The following MPP7 variants were observed in gnomAD, a reference collection of about 807,000 sequenced individuals.
MPP7 encodes the protein MAGUK p55 scaffold protein 7, also known as MAGUK p55 subfamily member 7.
In MPP7, 60 loss-of-function variants were observed where a neutral mutation model predicts 76.5. The observed-to-expected ratio is 0.78, with a 90% CI of 0.64 to 0.97. The LOEUF is 0.97. MPP7 is among the 50% of genes least tolerant of loss of function. The pLI, the probability that MPP7 is intolerant of heterozygous loss-of-function variation, is 0.00. For missense variants in MPP7, 641 were observed against 694.0 expected (o/e 0.92, Z 0.86); for synonymous variants, 237 against 244.5 (o/e 0.97, Z 0.29).
chr10:28,307,187 C>T (rs1158525520), upstream of MPP7, among the ~76,000 whole-genome samples: 1 of 152,184 alleles, frequency 6.6e-6, no homozygotes, highest in Non-Finnish European at 1.5e-5. Context: ...TACTGAAAGT[C>T]TTCACCTGCT....
intron 8 of MPP7, among the ~76,000 whole-genome samples, chr10:28,122,931 T>C (rs935420514): frequency 6.6e-6 from 1 of 152,142 alleles, no homozygotes; most frequent in Non-Finnish European, 1.5e-5. Context: ...CTTATAATTA[T>C]AGAAATTGTA....
chr10:28,197,879 T>G (rs1469836531), intron 3 of MPP7, among the ~76,000 whole-genome samples: 2 of 152,148 alleles, frequency 1.3e-5, no homozygotes, highest in Non-Finnish European at 2.9e-5. Context: ...TATTGTATAC[T>G]CCATAAAAAT....
intron 3 of MPP7, among the ~76,000 whole-genome samples, chr10:28,158,701 C>T (rs994351320): frequency 2.6e-5 from 4 of 152,136 alleles, no homozygotes; most frequent in African/African-American, 9.7e-5. Flanking sequence ...CACATGGACC[C>T]CACTGAAAGT....
chr10:28,208,826 T>A (rs1838033122), intron 2 of MPP7, among the ~76,000 whole-genome samples: 1 of 152,182 alleles, frequency 6.6e-6, no homozygotes, highest in East Asian at 1.9e-4. Context: ...TATGTACATA[T>A]GAGGCTGATA....
At chr10:28,063,807 A>T (rs1010913423) in intron 13 of MPP7, among the ~76,000 whole-genome samples, 1 of 152,158 alleles carries the variant, frequency 6.6e-6, no homozygotes, top group East Asian at 1.9e-4. Flanking sequence ...GGTTCTGTGA[A>T]ACTGGTCCCT....
chr10:28,154,951 G>C (rs1391533427), intron 3 of MPP7, among the ~76,000 whole-genome samples: 8 of 151,520 alleles, frequency 5.3e-5, no homozygotes, highest in Non-Finnish European at 1.2e-4. Context: ...TTAAATTTTT[G>C]ATCAGATAGC....
intron 1 of MPP7, among the ~76,000 whole-genome samples, chr10:28,274,143 C>CTGCG (rs1840417114): frequency 6.9e-6 from 1 of 145,088 alleles, no homozygotes; most frequent in Non-Finnish European, 1.5e-5. Flanking sequence ...CACTCTGTCA[C>CTGCG]CCAGGCTGGA....
At chr10:28,118,398 C>G (rs914529627) in intron 11 of MPP7, 1 of 981,302 alleles carries the variant, frequency 1.0e-6, no homozygotes, top group African/African-American at 1.8e-5. Context: ...AGTATGGATC[C>G]AGATTCGAGT....
chr10:28,103,090 G>T (rs749121971), intron 11 of MPP7, among the ~76,000 whole-genome samples: 10 of 151,880 alleles, frequency 6.6e-5, no homozygotes, highest in Non-Finnish European at 1.3e-4. Context: ...GCACACACTT[G>T]TGCACAATGC....
At chr10:28,211,260 G>A (rs1838125044) in intron 2 of MPP7, among the ~76,000 whole-genome samples, 1 of 151,888 alleles carries the variant, frequency 6.6e-6, no homozygotes, top group Non-Finnish European at 1.5e-5. Flanking sequence ...CACTGCACCT[G>A]GTATCATTGT....
At chr10:28,317,923 G>A (rs1209736258) in intron 2 of MPP7, among the ~76,000 whole-genome samples, 1 of 152,188 alleles carries the variant, frequency 6.6e-6, no homozygotes, top group African/African-American at 2.4e-5. Context: ...ACATCTGCCA[G>A]GAATGTGTCA....
chr10:28,186,172 C>T (rs2133928006), intron 3 of MPP7, among the ~76,000 whole-genome samples: 1 of 152,064 alleles, frequency 6.6e-6, no homozygotes, highest in South Asian at 2.1e-4. Context: ...ATGGTGAAGC[C>T]CTGTCTCTAC....
rs536385197 is a variant in MPP7 at position 28,092,740 on chromosome 10, A to ATT, written c.953-2901_953-2900dup. Among the ~76,000 whole-genome samples, 1,015 of 105,468 alleles carry ATT rather than the reference A, an allele frequency of 9.6e-3. 21 individuals are homozygous for ATT. Among genetic ancestry groups the ATT allele is most frequent in the African/African-American group, 0.013 (346 of 25,692 alleles). 69.2% of individuals were successfully genotyped at this position (105,468 alleles called of 152,430 possible). A position where few individuals can be genotyped will look rare whatever the true frequency, so the allele number is the denominator to read the frequency against. Reference sequence around the variant, plus strand: ...GGCATGTGCCACCACACCTGGCTCAATTTTTTTTTTTTTTTTTTTTGAAGA... The same window carrying ATT: ...GGCATGTGCCACCACACCTGGCTCAATTTTTTTTTTTTTTTTTTTTTTGAAGA... On this transcript the variant is annotated intron_variant, in intron 11 of 16. Coordinates refer to ENST00000683449, the MANE Select transcript of MPP7 (RefSeq NM_001318170.2).
chr10:28,134,333 T>C (rs1445145732), intron 5 of MPP7, among the ~76,000 whole-genome samples: 2 of 152,212 alleles, frequency 1.3e-5, no homozygotes, highest in Non-Finnish European at 2.9e-5. Flanking sequence ...CTCCTCAAGA[T>C]ATTTGCATGG....
intron 3 of MPP7, 54 bp from the exon 4 acceptor site, chr10:28,150,113 A>G (rs954621310): frequency 7.2e-6 from 9 of 1,245,062 alleles, no homozygotes; most frequent in Non-Finnish European, 9.4e-6. Flanking sequence ...AATCTCAGAT[A>G]GCTGCACATT....
intron 1 of MPP7, among the ~76,000 whole-genome samples, chr10:28,249,897 T>A (rs1385635171): frequency 6.6e-6 from 1 of 152,210 alleles, no homozygotes; most frequent in Non-Finnish European, 1.5e-5. Context: ...CCAAGAATGA[T>A]GTCCTCTTCA....
rs139610675 is a variant in MPP7, at chr10:28,091,034, C to G, written c.953-1193G>C. Reference sequence around the variant, plus strand: ...TGGTGGTGCACACATGTAATCTCAGCTACTCGGGAGGCTGAGACAGGAGAA... The same window carrying G: ...TGGTGGTGCACACATGTAATCTCAGGTACTCGGGAGGCTGAGACAGGAGAA... On this transcript the variant is annotated intron_variant, in intron 11 of 16. Coordinates refer to ENST00000683449, the MANE Select transcript of MPP7 (RefSeq NM_001318170.2). 5.1e-3 allele frequency among the ~76,000 whole-genome samples: 769 copies of G among 152,092 alleles called. 3 individuals carry two copies. The highest frequency in any genetic ancestry group is 0.017 in the African/African-American group (710 of 41,486).
intron 1 of MPP7, among the ~76,000 whole-genome samples, chr10:28,261,334 C>G (rs943129433): frequency 2.9e-4 from 44 of 152,172 alleles, no homozygotes; most frequent in Non-Finnish European, 5.1e-4. Context: ...AAACATACTT[C>G]CCACCAACAC....
chr10:28,302,251 G>GAGTT (rs1841174863), intron 1 of MPP7, among the ~76,000 whole-genome samples: 1 of 152,050 alleles, frequency 6.6e-6, no homozygotes, highest in Admixed American at 6.5e-5. Context: ...AGACAAAGCT[G>GAGTT]AGTTACTCGG....
Sources: gnomAD v4.1 joint callset for allele counts (sites outside exome capture counted in the v4.1 genomes callset) on GRCh38, gnomAD v4.1.1 for gene constraint, MANE v1.5 for transcripts, NCBI Gene and HGNC (gene_info 2026-07-23, HGNC 2026-07-21) for gene names.